The following KIF19 variants were observed in gnomAD, a reference collection of about 807,000 sequenced individuals.
KIF19 encodes kinesin family member 19.
A neutral mutation model predicts 106.6 loss-of-function variants in KIF19; 98 were observed. That is an observed-to-expected ratio of 0.92 (90% CI 0.78 to 1.09). The LOEUF is 1.09. Ranked by LOEUF, KIF19 falls within the 50% of genes least tolerant of loss-of-function variation. KIF19 has a pLI of 0.00. For synonymous variants in KIF19, 516 were observed against 584.2 expected, an observed-to-expected ratio of 0.88 and a Z score of 1.68; for missense variants, 1,373 against 1,414.3, an observed-to-expected ratio of 0.97 and a Z score of 0.47.
At chr17:74,339,296 C>T (rs2144233420) in intron 2 of KIF19, among the ~76,000 whole-genome samples, 1 of 150,890 alleles carries the variant, frequency 6.6e-6, no homozygotes, top group South Asian at 2.1e-4. Context: ...GGCCCCAGTC[C>T]TGGCTCTGCC....
rs141979633 is a variant in KIF19 at position 74,354,442 on chromosome 17, C to T, written c.2589C>T (p.Asp863=). The change falls in exon 18 of 20, where the codon GAC becomes GAT. Residue 863 remains aspartate, a synonymous_variant. Coordinates refer to ENST00000389916, the MANE Select transcript of KIF19 (RefSeq NM_153209.4). The part of the protein sequence containing the change: ...APSRAVGHHG[D]GPRPWLRGQK... ...CCCGGGCAGTCGGACATCATGGGGA[C>T]GGCCCCAGGCCCTGGCTGCGTGGCC... 160 of 1,610,556 alleles carry T rather than the reference C, an allele frequency of 9.9e-5. No homozygotes were observed. In the African/African-American group the frequency reaches 1.5e-3, roughly 16 times the overall value.
In KIF19 at chr17:74,337,521, T is replaced by G. The variant is rs1226092364; in HGVS notation, c.121-4355T>G. Among the ~76,000 whole-genome samples, 3 of 152,222 alleles carry G rather than the reference T, an allele frequency of 2.0e-5. No individual in the cohort carries two copies. In the East Asian group the frequency reaches 5.8e-4, roughly 29 times the overall value. ...CCCAGTGATCTGAGCTGAGAACCAG[T>G]GCCACAGCCTGCCCATCGCCTCTTT... On this transcript the variant is annotated intron_variant, in intron 2 of 19. Transcript: ENST00000389916.
chr17:74,335,771 A>G (rs2054203433), intron 2 of KIF19, among the ~76,000 whole-genome samples: 1 of 152,332 alleles, frequency 6.6e-6, no homozygotes, highest in East Asian at 1.9e-4. Flanking sequence ...GGCACCCAGT[A>G]TGAGCATGAG....
In KIF19 at chr17:74,346,635, A is replaced by C; in HGVS notation, c.924+111A>C. The C allele has an allele frequency of 1.0e-6, 1 of 1,002,592 alleles. No individual in the cohort carries two copies. Among genetic ancestry groups the C allele is most frequent in the Non-Finnish European group, 1.5e-6 (1 of 686,094 alleles). The allele number at this position is 1,002,592 out of a possible 1,614,324, so 62.1% of individuals were successfully genotyped here. A position where few individuals can be genotyped will look rare whatever the true frequency, so the allele number is the denominator to read the frequency against. On this transcript the variant is annotated intron_variant, in intron 8 of 19. Transcript: ENST00000389916. This position sits in a 1 kb window ranked among gnomAD's most constrained non-coding sequence, Gnocchi z 4.6. ...AATTCCAACCTCAGGATACACAGCA[A>C]AATTTATTTTAGCGTAAATATGTCC...
chr17:74,331,909 C>A lies in KIF19; in HGVS notation c.120+3404C>A, dbSNP rs756988536. Among the ~76,000 whole-genome samples, 7 of 152,018 alleles carry A rather than the reference C, an allele frequency of 4.6e-5. No individual in the cohort carries two copies. The highest frequency in any genetic ancestry group is 5.9e-5 in the Non-Finnish European group (4 of 68,010). On this transcript the variant is annotated intron_variant, in intron 2 of 19. Coordinates refer to ENST00000389916, the MANE Select transcript of KIF19 (RefSeq NM_153209.4). This position sits in a 1 kb window ranked among gnomAD's most constrained non-coding sequence, Gnocchi z 4.1. ...ATTTTTAATGGGGATAGTCCAGTTGCCTTGGAAGGCCAGTGATTCCAGGAC... is the reference window on the plus strand; with the variant it reads ...ATTTTTAATGGGGATAGTCCAGTTGACTTGGAAGGCCAGTGATTCCAGGAC...
chr17:74,328,829 C>G (rs2144188069), intron 2 of KIF19: 1 of 216,348 alleles, frequency 4.6e-6, no homozygotes, highest in South Asian at 7.9e-5. Flanking sequence ...TGGTTGAGAG[C>G]TAAAGCTCGC....
Position 74,350,718 on chromosome 17 carries a change from A to G in KIF19, c.1400A>G (p.Glu467Gly). 1 of 1,613,802 alleles carries G rather than the reference A, an allele frequency of 6.2e-7. No homozygotes were observed. The highest frequency in any genetic ancestry group is 8.5e-7 in the Non-Finnish European group (1 of 1,179,876). Reference protein sequence around the residue: ...HLLTIAGWKHEKSRRALKWRE... With the variant: ...HLLTIAGWKHGKSRRALKWRE... ...TGGGGCTGCGGCAGCTGGAAGCATG[A>G]GAAGTCCCGCCGGGCCCTCAAATGG... Residue 467 changes from glutamate to glycine, a missense_variant, in exon 12 of 20, where the codon GAG becomes GGG. Around this residue, in one of 3 missense-constraint regions of KIF19, gnomAD observed 1,020 missense variants for 1,008.2 expected, o/e 1.01. Coordinates refer to ENST00000389916, the MANE Select transcript of KIF19 (RefSeq NM_153209.4).
At position 74,354,566 on chromosome 17, in the gene KIF19, C is replaced by G; in HGVS notation, c.2706+7C>G. On this transcript the variant is annotated splice_region_variant and intron_variant, in intron 18 of 19. Coordinates refer to ENST00000389916, the MANE Select transcript of KIF19 (RefSeq NM_153209.4). ...CGAGGTCACCGGGCAAGGGGTGAGG[C>G]GAGGCGCAGGGGTGGGTGTCTAGGC... The G allele has an allele frequency of 6.3e-7, 1 of 1,586,534 alleles. No individual in the cohort carries two copies.
chr17:74,337,166 A>G (rs1325102283), intron 2 of KIF19, among the ~76,000 whole-genome samples: 1 of 152,188 alleles, frequency 6.6e-6, no homozygotes, highest in Non-Finnish European at 1.5e-5. Context: ...CAGGGAAAAC[A>G]CACGCCAAGC....
intron 1 of KIF19, among the ~76,000 whole-genome samples, chr17:74,327,421 C>T (rs1194253581): frequency 6.6e-6 from 1 of 152,252 alleles, no homozygotes; most frequent in Non-Finnish European, 1.5e-5. Context: ...GCTGAAGATG[C>T]CACTAAAGGT....
rs1261363503 is a variant in KIF19 at position 74,354,824 on chromosome 17, G to A, written c.2749G>A (p.Glu917Lys). ...KTHLLGPHQA[E>K]RISDHRMPVC... is the part of the protein sequence containing the mutation. ...ACACCTCCTGGGGCCCCATCAGGCGGAGCGCATCTCGGACCACAGGATGCC... is the reference window on the plus strand; with the variant it reads ...ACACCTCCTGGGGCCCCATCAGGCGAAGCGCATCTCGGACCACAGGATGCC... The change falls in exon 19 of 20, where the codon GAG (glutamate) becomes AAG (lysine). Residue 917 changes from glutamate to lysine, a missense_variant. Coordinates refer to ENST00000389916, the MANE Select transcript of KIF19 (RefSeq NM_153209.4). 1 of 1,560,562 alleles carries A rather than the reference G, an allele frequency of 6.4e-7. No individual in the cohort carries two copies. The highest frequency in any genetic ancestry group is 1.9e-5 in the Admixed American group (1 of 52,068).
At chr17:74,333,863 C>CTTT (rs368776098) in intron 2 of KIF19, among the ~76,000 whole-genome samples, 3,053 of 132,602 alleles carry the variant, frequency 0.023, 135 homozygotes, top group African/African-American at 0.079. Context: ...CTTTTTTTTT[C>CTTT]TTTTTTTTTT....
At chr17:74,332,214 G>GTGTGTGTGTGTGTGTT (rs2054111170) in intron 2 of KIF19, among the ~76,000 whole-genome samples, 1 of 54,460 alleles carries the variant, frequency 1.8e-5, no homozygotes, top group Non-Finnish European at 6.8e-5. Context: ...GTGTGTTTGT[G>GTGTGTGTGTGTGTGTT]TGTGTGTGTG....
Position 74,350,836 on chromosome 17 carries a change from C to T in KIF19, c.1518C>T (p.Pro506=), listed in dbSNP as rs2054680742. Reference sequence around the variant, plus strand: ...ACCAACCAGACATCCTGGAGCCACCCGAGGTGGCCGCAGCCCGGGAGAGCA... The same window carrying T: ...ACCAACCAGACATCCTGGAGCCACCTGAGGTGGCCGCAGCCCGGGAGAGCA... ...GDDQPDILEP[P]EVAAARESIA... is the part of the protein sequence containing the mutation. The change falls in exon 12 of 20, where the codon CCC becomes CCT. Residue 506 remains proline, a synonymous_variant. Coordinates refer to ENST00000389916, the MANE Select transcript of KIF19 (RefSeq NM_153209.4). 1.2e-6 allele frequency: 2 copies of T among 1,613,998 alleles called. No homozygotes were observed. The highest frequency in any genetic ancestry group is 1.7e-6 in the Non-Finnish European group (2 of 1,179,894).
At position 74,350,834 on chromosome 17, in the gene KIF19, C is replaced by T. The variant is rs781695053; in HGVS notation, c.1516C>T (p.Pro506Ser). ...TGACCAACCAGACATCCTGGAGCCA[C>T]CCGAGGTGGCCGCAGCCCGGGAGAG... ...GDDQPDILEP[P>S]EVAAARESIA... The change falls in exon 12 of 20, where the codon CCC (proline) becomes TCC (serine). Residue 506 changes from proline to serine, a missense_variant. Physicochemically the swap from Pro to Ser is moderately conservative, Grantham distance 74. This residue lies in a region of KIF19 where 1,020 missense variants were observed against 1,008.2 expected (regional missense o/e 1.01). Coordinates refer to ENST00000389916, the MANE Select transcript of KIF19 (RefSeq NM_153209.4). 6.2e-7 allele frequency: 1 copy of T among 1,614,036 alleles called. No individual in the cohort carries two copies. Among genetic ancestry groups the T allele is most frequent in the Non-Finnish European group, 8.5e-7 (1 of 1,179,910 alleles).
intron 2 of KIF19, among the ~76,000 whole-genome samples, chr17:74,340,555 G>GCGCACACA: frequency 0.014 from 2,101 of 148,302 alleles, 59 homozygotes; most frequent in African/African-American, 0.05. Flanking sequence ...ATGCGCGCGC[G>GCGCACACA]TACACACACA....
rs748237264 is a variant in KIF19, at chr17:74,354,507, AG to A, written c.2656del (p.Ala886GlnfsTer144). On this transcript the variant is annotated frameshift_variant, in exon 18 of 20. Transcript: ENST00000389916. LOFTEE classifies it high-confidence loss of function. Reference sequence around the variant, plus strand: ...GGCAAGAAAAGGGAGGAGTCGCTGGAGGCAAAGAGAAGGAAGCGGAGGTCCC... The same window carrying A: ...GGCAAGAAAAGGGAGGAGTCGCTGGAGCAAAGAGAAGGAAGCGGAGGTCCC... ...SLGKKREESL[E>X]AKRRKRRSRS... The A allele has an allele frequency of 4.4e-6, 7 of 1,604,540 alleles. No individual in the cohort carries two copies. The African/African-American group carries it at 8.0e-5, about 18-fold the overall frequency.
In KIF19 at chr17:74,353,585, T is replaced by C. The variant is rs754394882; in HGVS notation, c.2308+4T>C. 12 of 1,611,658 alleles carry C rather than the reference T, an allele frequency of 7.4e-6. No individual in the cohort carries two copies. In the South Asian group the frequency reaches 8.8e-5, roughly 12 times the overall value. ...GAGATCCCCTTGTCCCACAAAGGTA[T>C]GTGTGCCCTCTGCTGCCCGGCCACC... On this transcript the variant is annotated splice_donor_region_variant and intron_variant, in intron 17 of 19. Coordinates refer to ENST00000389916, the MANE Select transcript of KIF19 (RefSeq NM_153209.4).
intron 7 of KIF19, among the ~76,000 whole-genome samples, chr17:74,345,970 C>T (rs2054519886): frequency 6.6e-6 from 1 of 152,206 alleles, no homozygotes; most frequent in Non-Finnish European, 1.5e-5. Flanking sequence ...GGAGAAGAAC[C>T]TGCCCTCCAC....
Sources: allele counts gnomAD v4.1 joint callset (sites outside exome capture counted in the v4.1 genomes callset), GRCh38; gene constraint gnomAD v4.1.1; regional missense constraint gnomAD v4.1.1; non-coding constraint Gnocchi (gnomAD v3.1); transcripts MANE v1.5; gene names NCBI Gene and HGNC (gene_info 2026-07-23, HGNC 2026-07-21).